Variants in VPS13A observed in about 807,000 individuals in gnomAD.
The protein encoded by VPS13A is intermembrane lipid transfer protein VPS13A.
Under a neutral mutation model 390.9 loss-of-function variants are expected in VPS13A, and 264 were observed. The ratio of observed to expected loss-of-function variants is 0.68; its 90% confidence interval spans 0.61 to 0.75. VPS13A has a LOEUF of 0.75. VPS13A is among the 30% of genes least tolerant of loss of function. The pLI, the probability that VPS13A is intolerant of heterozygous loss-of-function variation, is 0.00. For missense variants in VPS13A, 3,409 were observed against 3,733.9 expected (o/e 0.91, Z 2.27); for synonymous variants, 1,231 against 1,227.1 (o/e 1.00, Z -0.07).
chr9:77,262,581 C>T (rs1281025981), intron 23 of VPS13A, among the ~76,000 whole-genome samples: 4 of 152,160 alleles, frequency 2.6e-5, no homozygotes, highest in Non-Finnish European at 5.9e-5. Flanking sequence ...TATCCCTCCC[C>T]TAGCCCCCGA....
At chr9:77,355,373 A>G (rs73449954) in intron 54 of VPS13A, among the ~76,000 whole-genome samples, 1,791 of 152,244 alleles carry the variant, frequency 0.012, 27 homozygotes, top group African/African-American at 0.029. Flanking sequence ...ATACCTCACC[A>G]TCTTGGTTTT....
chr9:77,414,221 T>C (rs1037065087), intron 71 of VPS13A, among the ~76,000 whole-genome samples: 9 of 152,278 alleles, frequency 5.9e-5, no homozygotes, highest in Admixed American at 2.0e-4. Context: ...CCATTTGACT[T>C]AGCCATCCCA....
At chr9:77,399,181 T>TAAAAAAAAAAAAAAAAAAAAAAAAAA (rs1223344360) in intron 68 of VPS13A, among the ~76,000 whole-genome samples, 15 of 34,968 alleles carry the variant, frequency 4.3e-4, no homozygotes, top group South Asian at 1.1e-3. Context: ...AAAAAAAAAA[T>TAAAAAAAAAAAAAAAAAAAAAAAAAA]AAAAAAAAAA....
intron 22 of VPS13A, among the ~76,000 whole-genome samples, chr9:77,258,461 ACT>A (rs1288454423): frequency 6.6e-6 from 1 of 152,028 alleles, no homozygotes; most frequent in East Asian, 1.9e-4. Flanking sequence ...CCTCATAGTG[ACT>A]CTATCTACTA....
rs72742601 is a variant in VPS13A at position 77,237,971 on chromosome 9, C to T, written c.1596-31C>T. 0.077 allele frequency: 114,712 copies of T among 1,496,956 alleles called. 5,173 individuals are homozygous for T. Among genetic ancestry groups the T allele is most frequent in the South Asian group, 0.12 (10,257 of 84,458 alleles). The allele number at this position is 1,496,956 out of a possible 1,614,324, so 92.7% of individuals were successfully genotyped here. A position where few individuals can be genotyped will look rare whatever the true frequency, so the allele number is the denominator to read the frequency against. On this transcript the variant is annotated intron_variant, in intron 17 of 71. Coordinates refer to ENST00000360280, the MANE Select transcript of VPS13A (RefSeq NM_033305.3). The stretch of plus-strand genomic sequence containing the variant: ...TAAAATCCTTCACAATTTTACTGAT[C>T]GCTGACTTTTTTCTTTTTTTTTTAA...
chr9:77,418,888 A>T lies in VPS13A; in HGVS notation c.*2882A>T, dbSNP rs1042394360. On this transcript the variant is annotated 3_prime_UTR_variant, in exon 72 of 72. Transcript: ENST00000360280. ...ATCGTATTACTCTCTGGTAAAAAGA[A>T]AGATTAAATTAAAAGGACTCTACAC... The T allele has an allele frequency of 1.3e-5, 2 of 152,202 alleles. No homozygotes were observed. Among genetic ancestry groups the T allele is most frequent in the African/African-American group, 4.8e-5 (2 of 41,440 alleles). 9.4% of individuals were successfully genotyped at this position (152,202 alleles called of 1,614,324 possible). A position where few individuals can be genotyped will look rare whatever the true frequency, so the allele number is the denominator to read the frequency against.
At chr9:77,292,565 G>A (rs973034108) in intron 31 of VPS13A, among the ~76,000 whole-genome samples, 14 of 152,100 alleles carry the variant, frequency 9.2e-5, no homozygotes, top group Non-Finnish European at 1.5e-5. Flanking sequence ...GCCCTGTCTT[G>A]TACCTCAGCC....
In VPS13A at chr9:77,370,290, G is replaced by A. The variant is rs1325301701; in HGVS notation, c.8701G>A (p.Gly2901Arg). 6.2e-7 allele frequency: 1 copy of A among 1,614,186 alleles called. No homozygotes were observed. The highest frequency in any genetic ancestry group is 1.7e-5 in the Admixed American group (1 of 60,022). Residue 2901 changes from glycine to arginine, a missense_variant, in exon 64 of 72, where the codon GGA becomes AGA. By Grantham distance (125) the Gly-to-Arg change is moderately radical. Coordinates refer to ENST00000360280, the MANE Select transcript of VPS13A (RefSeq NM_033305.3). ...AIQGPEEFVE[G>R]MALGLKALVG... The stretch of plus-strand genomic sequence containing the variant: ...CCAGGGTCCTGAAGAGTTTGTGGAA[G>A]GAATGGCACTAGGACTTAAGGCACT...
intron 68 of VPS13A, among the ~76,000 whole-genome samples, chr9:77,397,020 G>A (rs1010789736): frequency 2.6e-5 from 4 of 152,002 alleles, no homozygotes; most frequent in Admixed American, 6.6e-5. Context: ...ACGGAGTCTC[G>A]CTCTGTTGCC....
intron 50 of VPS13A, among the ~76,000 whole-genome samples, chr9:77,342,715 A>G (rs1463934863): frequency 6.6e-6 from 1 of 152,172 alleles, no homozygotes; most frequent in African/African-American, 2.4e-5. Flanking sequence ...TATATATGCA[A>G]ATATTCCAAA....
At chr9:77,313,211 T>C (rs986269724) in intron 35 of VPS13A, among the ~76,000 whole-genome samples, 1 of 152,240 alleles carries the variant, frequency 6.6e-6, no homozygotes, top group African/African-American at 2.4e-5. Flanking sequence ...ATTTAAAAAA[T>C]ATACAAAATT....
In VPS13A at chr9:77,388,824, A is replaced by C. The variant is rs117594563; in HGVS notation, c.9189+6737A>C. On this transcript the variant is annotated intron_variant, in intron 68 of 71. Coordinates refer to ENST00000360280, the MANE Select transcript of VPS13A (RefSeq NM_033305.3). ...ATCATTTATCAGTAACCTGTTAACTACATTATGTCTACAAAGGTTTTCTGA... is the reference window on the plus strand; with the variant it reads ...ATCATTTATCAGTAACCTGTTAACTCCATTATGTCTACAAAGGTTTTCTGA... Among the ~76,000 whole-genome samples, 1,285 of 152,298 alleles carry C rather than the reference A, an allele frequency of 8.4e-3. 10 individuals are homozygous for C. The highest frequency in any genetic ancestry group is 0.014 in the South Asian group (67 of 4,828).
At chr9:77,314,376 G>A (rs1363121391) in intron 36 of VPS13A, 119 bp from the exon 37 acceptor site, 8 of 1,123,368 alleles carry the variant, frequency 7.1e-6, no homozygotes, top group Middle Eastern at 2.9e-4. Context: ...AGAGCCCTTC[G>A]GAGACAGAAT....
At chr9:77,301,027 T>C (rs957622144) in intron 33 of VPS13A, among the ~76,000 whole-genome samples, 2 of 152,186 alleles carry the variant, frequency 1.3e-5, no homozygotes, top group African/African-American at 4.8e-5. Flanking sequence ...ATGGAAAAAG[T>C]ATAAGGTGCA....
At chr9:77,327,853 C>T (rs1283872049) in intron 45 of VPS13A, among the ~76,000 whole-genome samples, 2 of 152,062 alleles carry the variant, frequency 1.3e-5, no homozygotes, top group Non-Finnish European at 2.9e-5. Flanking sequence ...TCCTCAAAGT[C>T]GTCCATGAGG....
In VPS13A at chr9:77,344,431, A is replaced by G; in HGVS notation, c.7155+150A>G. 5.1e-6 allele frequency: 5 copies of G among 985,904 alleles called. No individual in the cohort carries two copies. In the South Asian group the frequency reaches 7.9e-5, roughly 16 times the overall value. The allele number at this position is 985,904 out of a possible 1,614,324, so 61.1% of individuals were successfully genotyped here. ...CAAACATTTCTTTTTGTAGAAGGAAACAGAGATCTAAGATAATTTAATTGT... is the reference window on the plus strand; with the variant it reads ...CAAACATTTCTTTTTGTAGAAGGAAGCAGAGATCTAAGATAATTTAATTGT... On this transcript the variant is annotated intron_variant, in intron 51 of 71. Transcript: ENST00000360280.
intron 44 of VPS13A, 37 bp downstream of exon 44, chr9:77,321,783 T>C: frequency 6.2e-7 from 1 of 1,608,190 alleles, no homozygotes; most frequent in Non-Finnish European, 8.5e-7. Flanking sequence ...GGGGCTATTT[T>C]GTTTTAAATT....
chr9:77,222,606 A>G (rs1169879573), intron 13 of VPS13A, among the ~76,000 whole-genome samples: 3 of 152,048 alleles, frequency 2.0e-5, no homozygotes, highest in Non-Finnish European at 4.4e-5. Context: ...TGTCGGCACC[A>G]TTTTTCCAAT....
rs1173124611 is a variant in VPS13A at position 77,356,756 on chromosome 9, A to G, written c.7695A>G (p.Arg2565=). 2 of 1,613,614 alleles carry G rather than the reference A, an allele frequency of 1.2e-6. No homozygotes were observed. The highest frequency in any genetic ancestry group is 2.7e-5 in the African/African-American group (2 of 74,934). ...VWETKPKKKA[R]WKPMSVKHTE... ...AAACAAAGCCCAAGAAGAAGGCAAG[A>G]TGGAAGCCAATGAGTGTAAAGCACA... The change falls in exon 55 of 72, where the codon AGA becomes AGG. Residue 2565 remains arginine, a synonymous_variant. Coordinates refer to ENST00000360280, the MANE Select transcript of VPS13A (RefSeq NM_033305.3).
Sources: allele counts gnomAD v4.1 joint callset (sites outside exome capture counted in the v4.1 genomes callset), GRCh38; gene constraint gnomAD v4.1.1; transcripts MANE v1.5; gene names NCBI Gene and HGNC (gene_info 2026-07-23, HGNC 2026-07-21).